The following LRRC4C variants were observed in gnomAD, a reference collection of about 807,000 sequenced individuals.
LRRC4C encodes the protein leucine rich repeat containing 4C.
LRRC4C carries 5 observed loss-of-function variants against 33.6 expected under a neutral mutation model. The observed-to-expected ratio is 0.15, with a 90% confidence interval of 0.08 to 0.31. LRRC4C has a LOEUF of 0.31. Ranked by LOEUF, LRRC4C falls within the 10% of genes least tolerant of loss-of-function variation. LRRC4C has a pLI of 1.00. For missense variants in LRRC4C, 560 were observed against 796.7 expected, an observed-to-expected ratio of 0.70 and a Z score of 3.58; for synonymous variants, 329 against 302.0, an observed-to-expected ratio of 1.09 and a Z score of -0.93.
chr11:40,514,427 A>AT (rs1006436730), intron 3 of LRRC4C, among the ~76,000 whole-genome samples: 13 of 151,754 alleles, frequency 8.6e-5, no homozygotes, highest in Middle Eastern at 3.4e-3. Context: ...GTGTTGAAGC[A>AT]TTTTTTTTCT....
intron 3 of LRRC4C, among the ~76,000 whole-genome samples, chr11:40,545,548 G>A (rs916026457): frequency 6.6e-6 from 1 of 151,950 alleles, no homozygotes; most frequent in Admixed American, 6.6e-5. Flanking sequence ...TGCAGTTCAG[G>A]CAAGATGTAA....
At chr11:41,188,911 C>CA (rs1945822430) in intron 1 of LRRC4C, among the ~76,000 whole-genome samples, 3 of 125,190 alleles carry the variant, frequency 2.4e-5, no homozygotes, top group African/African-American at 8.5e-5. Flanking sequence ...GCCCCCCCCC[C>CA]CAAAAAAAAG....
chr11:41,337,998 C>G (rs557342097), intron 1 of LRRC4C, among the ~76,000 whole-genome samples: 53 of 152,268 alleles, frequency 3.5e-4, no homozygotes, highest in Non-Finnish European at 6.3e-4. Context: ...CCATCCCATC[C>G]CAATCACAAT....
At chr11:41,313,110 T>C (rs1437705724) in intron 1 of LRRC4C, among the ~76,000 whole-genome samples, 1 of 152,228 alleles carries the variant, frequency 6.6e-6, no homozygotes, top group Non-Finnish European at 1.5e-5. Context: ...GTTTGATACA[T>C]ACGCCTCTTA....
At chr11:41,447,823 GA>G (rs1473175525) in intron 1 of LRRC4C, among the ~76,000 whole-genome samples, 1 of 151,794 alleles carries the variant, frequency 6.6e-6, no homozygotes, top group Non-Finnish European at 1.5e-5. Context: ...AGAAACAGAA[GA>G]AAAAAAATCC....
intron 1 of LRRC4C, among the ~76,000 whole-genome samples, chr11:41,170,272 A>G (rs949382304): frequency 6.6e-6 from 1 of 152,160 alleles, no homozygotes; most frequent in Non-Finnish European, 1.5e-5. Context: ...TTCATATGGA[A>G]CCAAAAAAGA....
intron 3 of LRRC4C, among the ~76,000 whole-genome samples, chr11:40,619,121 A>G (rs1390626054): frequency 6.6e-6 from 1 of 151,758 alleles, no homozygotes; most frequent in African/African-American, 2.4e-5. Flanking sequence ...CGTAGAGGGT[A>G]GAAGAATGGT....
Position 40,114,587 on chromosome 11 carries a change from A to G in LRRC4C, c.1706T>C (p.Ile569Thr). Residue 569 changes from isoleucine to threonine, a missense_variant, in exon 7 of 7, where the codon ATT becomes ACT. Around this residue, in one of 3 missense-constraint regions of LRRC4C, gnomAD observed 103 missense variants for 132.1 expected, o/e 0.78. Coordinates refer to ENST00000528697, the MANE Select transcript of LRRC4C (RefSeq NM_001258419.2). Reference protein sequence around the residue: ...HHAPTRTVEIINVDDEITGDT... With the variant: ...HHAPTRTVEITNVDDEITGDT... Reference sequence around the variant, plus strand: ...TCCCGTAATCTCATCATCCACATTAATAATTTCAACAGTCCTTGTTGGGGC... The same window carrying G: ...TCCCGTAATCTCATCATCCACATTAGTAATTTCAACAGTCCTTGTTGGGGC... The G allele has an allele frequency of 6.2e-7, 1 of 1,614,152 alleles. No individual in the cohort carries two copies. The highest frequency in any genetic ancestry group is 8.5e-7 in the Non-Finnish European group (1 of 1,180,030).
At chr11:40,720,233 A>G (rs145237761) in intron 2 of LRRC4C, among the ~76,000 whole-genome samples, 5 of 152,264 alleles carry the variant, frequency 3.3e-5, no homozygotes, top group African/African-American at 1.2e-4. Flanking sequence ...GGCTCTCTTC[A>G]TTCTTCTGGT....
At chr11:41,370,417 T>A (rs912541035) in intron 1 of LRRC4C, among the ~76,000 whole-genome samples, 1 of 152,140 alleles carries the variant, frequency 6.6e-6, no homozygotes, top group African/African-American at 2.4e-5. Context: ...CCATTTGTTG[T>A]GGGAGGGACC....
intron 3 of LRRC4C, among the ~76,000 whole-genome samples, chr11:40,644,314 A>G (rs1400222424): frequency 3.3e-5 from 5 of 152,242 alleles, no homozygotes; most frequent in African/African-American, 9.6e-5. Context: ...ATGAGAGGAC[A>G]AGGACAGGAA....
chr11:40,496,315 A>G (rs1236601732), intron 3 of LRRC4C, among the ~76,000 whole-genome samples: 1 of 152,132 alleles, frequency 6.6e-6, no homozygotes, highest in Non-Finnish European at 1.5e-5. Context: ...CAGCTTTGTG[A>G]GGTGTAACTA....
chr11:40,708,689 G>A (rs188117471), intron 2 of LRRC4C, among the ~76,000 whole-genome samples: 1 of 151,684 alleles, frequency 6.6e-6, no homozygotes, highest in Non-Finnish European at 1.5e-5. Context: ...TGTATATTCT[G>A]TTGGGGTGGA....
chr11:40,140,042 G>A (rs1345684544), intron 6 of LRRC4C, among the ~76,000 whole-genome samples: 1 of 152,106 alleles, frequency 6.6e-6, no homozygotes, highest in Non-Finnish European at 1.5e-5. Context: ...CTGTACCAGG[G>A]ACAAGGGAGA....
chr11:40,458,087 G>A (rs561126704), intron 3 of LRRC4C, among the ~76,000 whole-genome samples: 18 of 152,148 alleles, frequency 1.2e-4, no homozygotes, highest in Admixed American at 5.2e-4. Flanking sequence ...TTCTTTACTC[G>A]TTTCTGAAAG....
intron 4 of LRRC4C, among the ~76,000 whole-genome samples, chr11:40,267,811 G>A (rs1314874516): frequency 1.3e-5 from 2 of 152,090 alleles, no homozygotes; most frequent in Non-Finnish European, 2.9e-5. Flanking sequence ...AAGAAGACTG[G>A]GAAATACAGA....
intron 3 of LRRC4C, among the ~76,000 whole-genome samples, chr11:40,457,062 A>G (rs1410328907): frequency 2.6e-5 from 4 of 151,564 alleles, no homozygotes; most frequent in Admixed American, 1.3e-4. Flanking sequence ...TAAAAGGTCA[A>G]CAGCTCAGAA....
At chr11:41,254,426 TA>T (rs1342238049) in intron 1 of LRRC4C, among the ~76,000 whole-genome samples, 2 of 152,004 alleles carry the variant, frequency 1.3e-5, no homozygotes, top group African/African-American at 4.8e-5. Context: ...AGGTCACATT[TA>T]AAGTCTGAGT....
chr11:40,222,509 T>G (rs1340810291), intron 5 of LRRC4C, among the ~76,000 whole-genome samples: 1 of 152,212 alleles, frequency 6.6e-6, no homozygotes, highest in Non-Finnish European at 1.5e-5. Flanking sequence ...ATCTTCTTTA[T>G]AAACTTAATT....
Sources: allele counts gnomAD v4.1 joint callset (sites outside exome capture counted in the v4.1 genomes callset), GRCh38; gene constraint gnomAD v4.1.1; regional missense constraint gnomAD v4.1.1; transcripts MANE v1.5; gene names NCBI Gene and HGNC (gene_info 2026-07-23, HGNC 2026-07-21).